SLX4IP: variants seen among roughly 807,000 people sequenced by gnomAD.
SLX4IP encodes the protein SLX4 interacting protein.
In SLX4IP, 34 loss-of-function variants were observed where a neutral mutation model predicts 32.9. The observed-to-expected ratio is 1.03, with a 90% CI of 0.79 to 1.38. The LOEUF is 1.38. Ranked by LOEUF, SLX4IP falls within the 40% of genes most tolerant of loss-of-function variation. The pLI is 0.00. For synonymous variants in SLX4IP, 172 were observed against 171.7 expected (o/e 1.00, Z -0.01); for missense variants, 444 against 479.0 (o/e 0.93, Z 0.68).
rs1361649791 is a variant in SLX4IP, at chr20:10,597,787, G to A, written c.239-888G>A. On this transcript the variant is annotated intron_variant, in intron 4 of 7. Coordinates refer to ENST00000334534, the MANE Select transcript of SLX4IP (RefSeq NM_001009608.3). Reference sequence around the variant, plus strand: ...CTCAAGCATTTTTTTCAAAGTGGCTGTACCAATTTGTACTCCTGCCAGCAG... The same window carrying A: ...CTCAAGCATTTTTTTCAAAGTGGCTATACCAATTTGTACTCCTGCCAGCAG... Among the ~76,000 whole-genome samples, 2 of 152,148 alleles carry A rather than the reference G, an allele frequency of 1.3e-5. 1 individual carries two copies. The highest frequency in any genetic ancestry group is 4.8e-5 in the African/African-American group (2 of 41,416).
intron 6 of SLX4IP, chr20:10,614,359 G>A (rs754605239): frequency 5.3e-6 from 3 of 561,410 alleles, no homozygotes; most frequent in Middle Eastern, 4.7e-4. Flanking sequence ...TTCACATGAC[G>A]TTTTACAATC....
intron 2 of SLX4IP, among the ~76,000 whole-genome samples, chr20:10,466,200 C>T (rs753125833): frequency 2.3e-4 from 35 of 152,314 alleles, no homozygotes; most frequent in Non-Finnish European, 4.4e-4. Context: ...TGTGTCCACC[C>T]GCTGCCTTAG....
intron 4 of SLX4IP, among the ~76,000 whole-genome samples, chr20:10,582,127 A>G (rs1343961328): frequency 6.6e-6 from 1 of 152,158 alleles, no homozygotes; most frequent in Admixed American, 6.5e-5. Context: ...ATATCTAAAT[A>G]AAAGGAAAGT....
chr20:10,517,086 C>A (rs1310647400), intron 2 of SLX4IP, among the ~76,000 whole-genome samples: 2 of 152,136 alleles, frequency 1.3e-5, no homozygotes, highest in Non-Finnish European at 2.9e-5. Flanking sequence ...CATTGTCAAG[C>A]CCTTGCATAT....
At chr20:10,453,261 G>A (rs565319702) in intron 1 of SLX4IP, among the ~76,000 whole-genome samples, 1 of 151,796 alleles carries the variant, frequency 6.6e-6, no homozygotes, top group East Asian at 1.9e-4. Context: ...CCATGTACCT[G>A]TCCTAATTCA....
At chr20:10,616,583 C>T (rs1401993880) in intron 6 of SLX4IP, among the ~76,000 whole-genome samples, 1 of 152,014 alleles carries the variant, frequency 6.6e-6, no homozygotes, top group African/African-American at 2.4e-5. Context: ...CTGACCTCTT[C>T]CCCTGGTTTA....
chr20:10,549,321 G>T (rs1225344755), intron 2 of SLX4IP, among the ~76,000 whole-genome samples: 1 of 152,020 alleles, frequency 6.6e-6, no homozygotes, highest in Non-Finnish European at 1.5e-5. Flanking sequence ...TTCAGCATGG[G>T]GCCCTACAGT....
chr20:10,528,966 C>T (rs889081682), intron 2 of SLX4IP, among the ~76,000 whole-genome samples: 1 of 152,210 alleles, frequency 6.6e-6, no homozygotes, highest in Non-Finnish European at 1.5e-5. Context: ...GACTTAAACA[C>T]ATGACAATAT....
At chr20:10,577,853 T>G (rs1180121605) in intron 4 of SLX4IP, among the ~76,000 whole-genome samples, 1 of 152,246 alleles carries the variant, frequency 6.6e-6, no homozygotes, top group East Asian at 1.9e-4. Context: ...GCTGAATCAG[T>G]CAAAATGATG....
At chr20:10,452,007 CTT>C in intron 1 of SLX4IP, among the ~76,000 whole-genome samples, 1 of 152,246 alleles carries the variant, frequency 6.6e-6, no homozygotes, top group East Asian at 1.9e-4. Flanking sequence ...TTCAAATTAA[CTT>C]TATCTGTTTC....
intron 2 of SLX4IP, among the ~76,000 whole-genome samples, chr20:10,487,265 C>G (rs1294160744): frequency 6.6e-6 from 1 of 152,080 alleles, no homozygotes; most frequent in East Asian, 1.9e-4. Flanking sequence ...TTTCCAAGGC[C>G]AGCTGTAGAT....
intron 1 of SLX4IP, among the ~76,000 whole-genome samples, chr20:10,452,674 A>ATATATATATAT (rs201507537): frequency 1.5e-4 from 14 of 93,776 alleles, no homozygotes; most frequent in South Asian, 7.4e-4. Context: ...CAAAAAAAAA[A>ATATATATATAT]AAAAAAATAT....
At chr20:10,530,911 C>T (rs1468799689) in intron 2 of SLX4IP, among the ~76,000 whole-genome samples, 1 of 152,200 alleles carries the variant, frequency 6.6e-6, no homozygotes, top group Non-Finnish European at 1.5e-5. Flanking sequence ...ATATTATATA[C>T]ATGAGATATT....
intron 2 of SLX4IP, among the ~76,000 whole-genome samples, chr20:10,500,140 T>TC: frequency 7.0e-6 from 1 of 143,780 alleles, no homozygotes; most frequent in Non-Finnish European, 1.5e-5. Flanking sequence ...CTTTTTTTTT[T>TC]TTTTTTTTTT....
intron 4 of SLX4IP, among the ~76,000 whole-genome samples, chr20:10,567,614 G>A (rs889381323): frequency 6.6e-6 from 1 of 152,174 alleles, no homozygotes; most frequent in African/African-American, 2.4e-5. Context: ...CAACACAATA[G>A]ACTAAGACAG....
chr20:10,441,955 A>T (rs1385456086), intron 1 of SLX4IP, among the ~76,000 whole-genome samples: 2 of 152,174 alleles, frequency 1.3e-5, no homozygotes, highest in African/African-American at 4.8e-5. Flanking sequence ...TTGGGAGAGG[A>T]CAACAGTGAA....
chr20:10,609,733 T>G (rs1197476049), intron 6 of SLX4IP, among the ~76,000 whole-genome samples: 4 of 152,190 alleles, frequency 2.6e-5, no homozygotes, highest in Non-Finnish European at 4.4e-5. Context: ...AAGAGGTCTG[T>G]CTACCTTCCC....
chr20:10,533,835 G>T (rs1480571737), intron 2 of SLX4IP, among the ~76,000 whole-genome samples: 3 of 151,598 alleles, frequency 2.0e-5, no homozygotes, highest in Non-Finnish European at 4.4e-5. Flanking sequence ...ACCCAGGCTG[G>T]TCTTGAACTC....
Position 10,603,007 on chromosome 20 carries a change from T to C in SLX4IP, c.405+1188T>C, listed in dbSNP as rs149729034. ...TACACATTAAATGAATGAGGCAAATTTGGTGAAAAGTATTAAGTTTGTCCT... is the reference window on the plus strand; with the variant it reads ...TACACATTAAATGAATGAGGCAAATCTGGTGAAAAGTATTAAGTTTGTCCT... On this transcript the variant is annotated intron_variant, in intron 6 of 7. Transcript: ENST00000334534. Among the ~76,000 whole-genome samples, 13 of 152,324 alleles carry C rather than the reference T, an allele frequency of 8.5e-5. No homozygotes were observed. In the East Asian group the frequency reaches 2.3e-3, roughly 27 times the overall value.
Sources: gnomAD v4.1 joint callset for allele counts (sites outside exome capture counted in the v4.1 genomes callset) on GRCh38, gnomAD v4.1.1 for gene constraint, MANE v1.5 for transcripts, NCBI Gene and HGNC (gene_info 2026-07-23, HGNC 2026-07-21) for gene names.